Variants in TTL observed in about 807,000 individuals in gnomAD.
TTL encodes the protein tubulin--tyrosine ligase.
Under a neutral mutation model 41.1 loss-of-function variants are expected in TTL, and 10 were observed. That is an observed-to-expected ratio of 0.24 (90% CI 0.15 to 0.41). The LOEUF is 0.41. Ranked by LOEUF, TTL falls within the 10% of genes least tolerant of loss-of-function variation. The pLI, the probability that TTL is intolerant of heterozygous loss-of-function variation, is 1.00. For synonymous variants in TTL, 175 were observed against 175.5 expected (o/e 1.00, Z 0.02); for missense variants, 367 against 460.4 (o/e 0.80, Z 1.86).
At position 112,531,204 on chromosome 2, in the gene TTL, A is replaced by G. The variant is rs556307710; in HGVS notation, c.*2409A>G. ...GTTCAGAACTGTTCCTTTCCCTTCC[A>G]TGATGTCCTTGACACAGAAGGTTAT... On this transcript the variant is annotated 3_prime_UTR_variant, in exon 7 of 7. Transcript: ENST00000233336. 10 of 221,798 alleles carry G rather than the reference A, an allele frequency of 4.5e-5. No homozygotes were observed. The highest frequency in any genetic ancestry group is 1.2e-4 in the Admixed American group (2 of 17,360). The allele number at this position is 221,798 out of a possible 1,614,324, so 13.7% of individuals were successfully genotyped here.
At chr2:112,496,396 T>C (rs1681522674) in intron 3 of TTL, among the ~76,000 whole-genome samples, 1 of 152,330 alleles carries the variant, frequency 6.6e-6, no homozygotes, top group South Asian at 2.1e-4. Flanking sequence ...ATTTATTTGG[T>C]ACCCACTACA....
chr2:112,509,820 C>G (rs1195866550), intron 5 of TTL, among the ~76,000 whole-genome samples: 1 of 152,192 alleles, frequency 6.6e-6, no homozygotes, highest in Non-Finnish European at 1.5e-5. Flanking sequence ...GGAGCTGTTC[C>G]TATTCGGCCA....
rs1340930708 is a variant in TTL at position 112,539,327 on chromosome 2, T to C, written c.*10532T>C. On this transcript the variant is annotated 3_prime_UTR_variant, in exon 7 of 7. Coordinates refer to ENST00000233336, the MANE Select transcript of TTL (RefSeq NM_153712.5). The stretch of plus-strand genomic sequence containing the variant: ...ACCCCCCTGATTCTAAAATAAACGT[T>C]GAGAAGGGGAAAAGAAAGAATGCAA... The C allele has an allele frequency of 6.6e-6, 1 of 151,774 alleles. No individual in the cohort carries two copies. The highest frequency in any genetic ancestry group is 1.5e-5 in the Non-Finnish European group (1 of 67,974). 9.4% of individuals were successfully genotyped at this position (151,774 alleles called of 1,614,324 possible). A position where few individuals can be genotyped will look rare whatever the true frequency, so the allele number is the denominator to read the frequency against.
chr2:112,492,583 T>C (rs1400263934), intron 2 of TTL, among the ~76,000 whole-genome samples: 1 of 152,094 alleles, frequency 6.6e-6, no homozygotes, highest in East Asian at 1.9e-4. Flanking sequence ...ACAAAAAAAT[T>C]AGCTGGGCGT....
chr2:112,520,130 CAAAAAAAAA>C (rs34238996), intron 5 of TTL, 143 bp from the exon 6 acceptor site: 7 of 506,078 alleles, frequency 1.4e-5, no homozygotes, highest in African/African-American at 3.2e-5. Flanking sequence ...AACTCCGTCT[CAAAAAAAAA>C]AAAAAAAAAA....
Position 112,482,397 on chromosome 2 carries a change from C to G in TTL, c.53C>G (p.Ser18Cys). 2.5e-6 allele frequency: 4 copies of G among 1,600,584 alleles called. No homozygotes were observed. The highest frequency in any genetic ancestry group is 3.4e-6 in the Non-Finnish European group (4 of 1,174,744). ...DENSSVYAEV[S>C]RLLLATGHWK... ...AACAGCAGCGTCTACGCCGAGGTCTCCCGGCTGCTCCTCGCCACCGGCCAC... is the reference window on the plus strand; with the variant it reads ...AACAGCAGCGTCTACGCCGAGGTCTGCCGGCTGCTCCTCGCCACCGGCCAC... The change falls in exon 1 of 7, where the codon TCC (serine) becomes TGC (cysteine). Residue 18 changes from serine to cysteine, a missense_variant. Transcript: ENST00000233336. The surrounding 1 kb of genome is among the most constrained non-coding windows in gnomAD (Gnocchi z 5.3).
At chr2:112,521,833 A>G (rs1574071400) in intron 6 of TTL, among the ~76,000 whole-genome samples, 1 of 152,236 alleles carries the variant, frequency 6.6e-6, no homozygotes, top group Admixed American at 6.5e-5. Flanking sequence ...GGATGTTGAA[A>G]GGTAACGTAA....
At position 112,520,184 on chromosome 2, in the gene TTL, T is replaced by G. The variant is rs149822651; in HGVS notation, c.876-98T>G. 64 of 1,348,030 alleles carry G rather than the reference T, an allele frequency of 4.7e-5. 1 individual carries two copies. The Middle Eastern group carries it at 2.1e-3, about 43-fold the overall frequency. The allele number at this position is 1,348,030 out of a possible 1,614,324, so 83.5% of individuals were successfully genotyped here. The stretch of plus-strand genomic sequence containing the variant: ...AGAATTAAAGCTGATAAGCTGATAT[T>G]TGTATTCATCTCATATAAAATCTTT... On this transcript the variant is annotated intron_variant, in intron 5 of 6. Coordinates refer to ENST00000233336, the MANE Select transcript of TTL (RefSeq NM_153712.5).
chr2:112,500,123 G>A (rs1185179619), intron 3 of TTL, among the ~76,000 whole-genome samples: 1 of 152,130 alleles, frequency 6.6e-6, no homozygotes, highest in African/African-American at 2.4e-5. Flanking sequence ...GCCACATACT[G>A]TGTGATTCCA....
At chr2:112,500,211 G>A (rs1681652101) in intron 3 of TTL, among the ~76,000 whole-genome samples, 1 of 148,412 alleles carries the variant, frequency 6.7e-6, no homozygotes, top group Admixed American at 6.8e-5. Context: ...GGGTGAGGAG[G>A]GAGTAGTGAG....
chr2:112,500,477 A>G (rs1369570134), intron 3 of TTL, among the ~76,000 whole-genome samples: 11 of 152,262 alleles, frequency 7.2e-5, no homozygotes, highest in Middle Eastern at 3.4e-3. Context: ...AGGCTGAGGC[A>G]GGAGAATTGC....
In TTL at chr2:112,493,382, C is replaced by T. The variant is rs1178835237; in HGVS notation, c.237-761C>T. 2.0e-5 allele frequency among the ~76,000 whole-genome samples: 3 copies of T among 151,384 alleles called. No individual in the cohort carries two copies. The East Asian group carries it at 5.8e-4, about 29-fold the overall frequency. Reference sequence around the variant, plus strand: ...AAAAAAAAAAAAAGACTTGGGAGTTCGGGCCTGCATGTTGGCTGGTCCTCA... The same window carrying T: ...AAAAAAAAAAAAAGACTTGGGAGTTTGGGCCTGCATGTTGGCTGGTCCTCA... On this transcript the variant is annotated intron_variant, in intron 2 of 6. Coordinates refer to ENST00000233336, the MANE Select transcript of TTL (RefSeq NM_153712.5).
Position 112,509,310 on chromosome 2 carries a change from A to T in TTL, c.875+6129A>T, listed in dbSNP as rs1320044058. ...CCCCAGAGGTGGAGCCTACAGAGGC[A>T]GGCAGGCCTCCTTGAGCTGTGGTGG... is the stretch of plus-strand genomic sequence containing the variant. On this transcript the variant is annotated intron_variant, in intron 5 of 6. Transcript: ENST00000233336. Among the ~76,000 whole-genome samples, 8 of 150,910 alleles carry T rather than the reference A, an allele frequency of 5.3e-5. No homozygotes were observed. The East Asian group carries it at 1.6e-3, about 30-fold the overall frequency.
intron 3 of TTL, 123 bp downstream of exon 3, chr2:112,494,498 A>T: frequency 1.4e-6 from 1 of 730,998 alleles, no homozygotes; most frequent in Non-Finnish European, 2.3e-6. Context: ...TTACATAGTT[A>T]TAAATACCCA....
chr2:112,507,673 A>G (rs1681826610), intron 5 of TTL, among the ~76,000 whole-genome samples: 2 of 145,062 alleles, frequency 1.4e-5, no homozygotes, highest in African/African-American at 5.1e-5. Context: ...GGCTTGGTAG[A>G]TCTTCCTCCA....
chr2:112,495,013 A>G (rs1681490283), intron 3 of TTL, among the ~76,000 whole-genome samples: 1 of 152,174 alleles, frequency 6.6e-6, no homozygotes, highest in Admixed American at 6.5e-5. Context: ...TGCAATTAGA[A>G]TGAACTCCGG....
chr2:112,519,884 A>G (rs1227800180), intron 5 of TTL, among the ~76,000 whole-genome samples: 2 of 152,102 alleles, frequency 1.3e-5, no homozygotes, highest in Non-Finnish European at 2.9e-5. Context: ...TAATCCCAGC[A>G]CTTTGGGAGG....
chr2:112,528,328 G>A (rs1211560117), intron 6 of TTL, among the ~76,000 whole-genome samples: 21 of 152,306 alleles, frequency 1.4e-4, no homozygotes, highest in South Asian at 1.0e-3. Context: ...TGCCAGGCAC[G>A]GTGGCTCACG....
intron 2 of TTL, among the ~76,000 whole-genome samples, chr2:112,486,419 ATCAG>A (rs1559009340): frequency 6.6e-6 from 1 of 152,244 alleles, no homozygotes; most frequent in Non-Finnish European, 1.5e-5. Flanking sequence ...ATGCTCCAGT[ATCAG>A]TCAGCCATTG....
Sources: allele counts gnomAD v4.1 joint callset (sites outside exome capture counted in the v4.1 genomes callset), GRCh38; gene constraint gnomAD v4.1.1; non-coding constraint Gnocchi (gnomAD v3.1); transcripts MANE v1.5; gene names NCBI Gene and HGNC (gene_info 2026-07-23, HGNC 2026-07-21).